Variants in AGBL4 observed in about 807,000 individuals in gnomAD.
The protein encoded by AGBL4 is cytosolic carboxypeptidase 6.
A neutral mutation model predicts 66.4 loss-of-function variants in AGBL4; 58 were observed. The ratio of observed to expected loss-of-function variants is 0.87; its 90% CI spans 0.71 to 1.09. AGBL4 has a LOEUF of 1.09. Among genes scored for constraint, AGBL4 ranks in the 50% least tolerant of loss-of-function variants. The pLI, the probability that AGBL4 is intolerant of heterozygous loss-of-function variation, is 0.00. For missense variants in AGBL4, 579 were observed against 631.0 expected (o/e 0.92, Z 0.88); for synonymous variants, 234 against 222.9 (o/e 1.05, Z -0.44).
At chr1:49,477,919 C>A (rs1241434005) in intron 3 of AGBL4, among the ~76,000 whole-genome samples, 4 of 151,488 alleles carry the variant, frequency 2.6e-5, no homozygotes, top group Non-Finnish European at 5.9e-5. Context: ...ATGCAACTGA[C>A]ACACTGAAGA....
intron 11 of AGBL4, among the ~76,000 whole-genome samples, chr1:48,563,889 C>T (rs1644434074): frequency 6.6e-6 from 1 of 152,168 alleles, no homozygotes; most frequent in African/African-American, 2.4e-5. Flanking sequence ...CAGAACTTTT[C>T]TCTTCCCTTC....
intron 1 of AGBL4, among the ~76,000 whole-genome samples, chr1:49,898,723 G>A (rs1483954038): frequency 6.6e-6 from 1 of 152,082 alleles, no homozygotes; most frequent in Non-Finnish European, 1.5e-5. Flanking sequence ...TCAAGTGCCT[G>A]TAAATAGATG....
intron 4 of AGBL4, among the ~76,000 whole-genome samples, chr1:49,201,704 A>C (rs1235041715): frequency 6.6e-6 from 1 of 152,176 alleles, no homozygotes; most frequent in Non-Finnish European, 1.5e-5. Flanking sequence ...TACCAAATAA[A>C]TTTGTTTGAA....
chr1:49,282,992 G>T (rs868019986), intron 3 of AGBL4, among the ~76,000 whole-genome samples: 8 of 152,344 alleles, frequency 5.3e-5, no homozygotes, highest in Middle Eastern at 3.4e-3. Flanking sequence ...AAACCAGCTG[G>T]GAAGCTGGAA....
chr1:48,682,960 A>T lies in AGBL4; in HGVS notation c.635-19719T>A, dbSNP rs376843090. On this transcript the variant is annotated intron_variant, in intron 6 of 13. Coordinates refer to ENST00000371839, the MANE Select transcript of AGBL4 (RefSeq NM_032785.4). ...AAGTACTTTATGGATGAGAGAAACC[A>T]TGGCATCCAGGAAAAGCAGGATGTC... is the stretch of plus-strand genomic sequence containing the variant. Among the ~76,000 whole-genome samples, 205 of 152,330 alleles carry T rather than the reference A, an allele frequency of 1.3e-3. 3 individuals are homozygous for T. The South Asian group carries it at 0.038, about 28-fold the overall frequency.
intron 3 of AGBL4, among the ~76,000 whole-genome samples, chr1:49,606,170 G>A (rs1459912028): frequency 6.6e-6 from 1 of 152,174 alleles, no homozygotes; most frequent in Non-Finnish European, 1.5e-5. Context: ...AGGTTTCTAG[G>A]CTACAAAAAT....
At chr1:48,930,427 A>C (rs942458900) in intron 5 of AGBL4, among the ~76,000 whole-genome samples, 1 of 152,060 alleles carries the variant, frequency 6.6e-6, no homozygotes, top group African/African-American at 2.4e-5. Flanking sequence ...CCTCATCTTT[A>C]AGTTTTTGTT....
intron 6 of AGBL4, among the ~76,000 whole-genome samples, chr1:48,720,055 C>CT (rs1326016082): frequency 1.3e-5 from 2 of 152,168 alleles, no homozygotes; most frequent in Non-Finnish European, 2.9e-5. Flanking sequence ...GCGGAAATAA[C>CT]TTTTTTGGTA....
At chr1:48,724,928 T>G (rs1647208426) in intron 6 of AGBL4, among the ~76,000 whole-genome samples, 1 of 152,182 alleles carries the variant, frequency 6.6e-6, no homozygotes, top group South Asian at 2.1e-4. Flanking sequence ...ATTGACAGTC[T>G]TCTTCTACAC....
At chr1:49,884,754 C>A (rs2148152289) in intron 1 of AGBL4, among the ~76,000 whole-genome samples, 1 of 151,690 alleles carries the variant, frequency 6.6e-6, no homozygotes, top group East Asian at 1.9e-4. Flanking sequence ...ATATGCCTTG[C>A]TGACATTGGT....
chr1:49,301,965 T>C (rs1036728467), intron 3 of AGBL4, among the ~76,000 whole-genome samples: 12 of 152,146 alleles, frequency 7.9e-5, no homozygotes, highest in African/African-American at 2.9e-4. Flanking sequence ...ATATCTCCCA[T>C]CCTCCTTGCT....
At chr1:48,862,720 A>C (rs1472291022) in intron 6 of AGBL4, among the ~76,000 whole-genome samples, 1 of 152,326 alleles carries the variant, frequency 6.6e-6, no homozygotes, top group East Asian at 1.9e-4. Flanking sequence ...CTACACATAT[A>C]CATCACTACT....
At chr1:49,678,741 T>C (rs182768839) in intron 3 of AGBL4, among the ~76,000 whole-genome samples, 2 of 152,268 alleles carry the variant, frequency 1.3e-5, no homozygotes, top group East Asian at 1.9e-4. Context: ...GTGCATTGTT[T>C]AGTTTACAAA....
intron 2 of AGBL4, among the ~76,000 whole-genome samples, chr1:49,846,641 C>A (rs1646152689): frequency 6.6e-6 from 1 of 151,890 alleles, no homozygotes; most frequent in South Asian, 2.1e-4. Context: ...GGTGTATGAC[C>A]AAGCTGAGAA....
intron 6 of AGBL4, among the ~76,000 whole-genome samples, chr1:48,831,778 A>C (rs972223788): frequency 7.9e-5 from 12 of 152,082 alleles, no homozygotes; most frequent in Non-Finnish European, 2.9e-5. Context: ...CACAATAAAA[A>C]CTCACTGAAT....
chr1:49,934,699 T>C (rs752679984), intron 1 of AGBL4, among the ~76,000 whole-genome samples: 7 of 151,128 alleles, frequency 4.6e-5, no homozygotes, highest in Admixed American at 6.6e-5. Context: ...ATAGTAAGAA[T>C]AAGAAAGATC....
At chr1:48,848,569 A>C (rs989057327) in intron 6 of AGBL4, among the ~76,000 whole-genome samples, 5 of 151,514 alleles carry the variant, frequency 3.3e-5, no homozygotes, top group Non-Finnish European at 2.9e-5. Context: ...ATAATACAAC[A>C]TTTTTTTTTC....
chr1:49,168,164 TA>T (rs1443573922), intron 4 of AGBL4, among the ~76,000 whole-genome samples: 1 of 152,174 alleles, frequency 6.6e-6, no homozygotes, highest in Admixed American at 6.5e-5. Context: ...ACCATGCCTA[TA>T]TTTTTTTTTA....
chr1:48,854,135 T>A (rs1192033498), intron 6 of AGBL4, among the ~76,000 whole-genome samples: 4 of 152,210 alleles, frequency 2.6e-5, no homozygotes, highest in Non-Finnish European at 5.9e-5. Context: ...GATGAAAAAC[T>A]AAGCCCCAAG....
Sources: gnomAD v4.1 joint callset for allele counts (sites outside exome capture counted in the v4.1 genomes callset) on GRCh38, gnomAD v4.1.1 for gene constraint, MANE v1.5 for transcripts, NCBI Gene and HGNC (gene_info 2026-07-23, HGNC 2026-07-21) for gene names.